The following TAB3 variants were observed in gnomAD, a reference collection of about 807,000 sequenced individuals.
TAB3 encodes the protein TGF-beta activated kinase 1 (MAP3K7) binding protein 3.
A neutral mutation model predicts 48.1 loss-of-function variants in TAB3; 18 were observed. That is an observed-to-expected ratio of 0.37 (90% confidence interval 0.26 to 0.55). The LOEUF (loss-of-function observed/expected upper bound fraction) is 0.55. Among genes scored for constraint, TAB3 ranks in the 20% least tolerant of loss-of-function variants. The pLI, the probability that TAB3 is intolerant of heterozygous loss-of-function variation, is 0.78. For synonymous variants in TAB3, 185 were observed against 190.2 expected, an observed-to-expected ratio of 0.97 and a Z score of 0.22; for missense variants, 414 against 549.8, an observed-to-expected ratio of 0.75 and a Z score of 2.47.
intron 1 of TAB3, among the ~76,000 whole-genome samples, chrX:30,888,510 G>A (rs953322324): frequency 1.1e-4 from 12 of 112,077 alleles, no homozygotes; most frequent in African/African-American, 2.6e-4. Flanking sequence ...GCTGGCACAC[G>A]GTAGTAAACT....
rs1176032615 is a variant in TAB3, at chrX:30,834,164, TAAAC to T, written c.1889-16_1889-13del. The T allele has an allele frequency of 1.3e-5, 15 of 1,192,265 alleles. 1 individual carries two copies. Among genetic ancestry groups the T allele is most frequent in the South Asian group, 7.2e-5 (4 of 55,745 alleles). Reference sequence around the variant, plus strand: ...GGGGTCTGAGGAGTCTGCATAAAAATAAACAACGCCAGAAAGAAGTGATCCAGTC... The same window carrying T: ...GGGGTCTGAGGAGTCTGCATAAAAATAACGCCAGAAAGAAGTGATCCAGTC... On this transcript the variant is annotated splice_polypyrimidine_tract_variant and intron_variant, in intron 9 of 10. Coordinates refer to ENST00000288422, the MANE Select transcript of TAB3 (RefSeq NM_152787.5).
Position 30,830,229 on chromosome X carries a change from C to G in TAB3, c.*1198G>C, listed in dbSNP as rs1178054124. 8.9e-6 allele frequency: 1 copy of G among 112,100 alleles called. No individual in the cohort carries two copies. The highest frequency in any genetic ancestry group is 9.5e-5 in the Admixed American group (1 of 10,483). 9.2% of individuals were successfully genotyped at this position (112,100 alleles called of 1,213,427 possible). On this transcript the variant is annotated 3_prime_UTR_variant, in exon 11 of 11. Coordinates refer to ENST00000288422, the MANE Select transcript of TAB3 (RefSeq NM_152787.5). ...ATTTTAAAAGTTGTTTCAAAGTCCT[C>G]TATATTCACCTTTCTCTTAATAATT...
At chrX:30,882,882 T>C (rs1192640366) in intron 1 of TAB3, among the ~76,000 whole-genome samples, 5 of 111,906 alleles carry the variant, frequency 4.5e-5, no homozygotes, top group East Asian at 2.8e-4. Context: ...GAAGAGTATA[T>C]AGGAATTCTG....
intron 1 of TAB3, among the ~76,000 whole-genome samples, chrX:30,873,543 AG>A (rs2147398628): frequency 9.3e-6 from 1 of 107,266 alleles, no homozygotes; most frequent in South Asian, 4.0e-4. Context: ...AAAAAAAAAA[AG>A]TTACATCAAG....
intron 2 of TAB3, among the ~76,000 whole-genome samples, chrX:30,868,817 G>C (rs1165062359): frequency 9.5e-6 from 1 of 105,768 alleles, no homozygotes; most frequent in Non-Finnish European, 1.9e-5. Flanking sequence ...TTGATCTCCT[G>C]AGTCAACTTC....
chrX:30,872,202 G>A (rs1651762698), intron 1 of TAB3, among the ~76,000 whole-genome samples: 1 of 111,898 alleles, frequency 8.9e-6, no homozygotes, highest in African/African-American at 3.3e-5. Context: ...AAACTGTGCT[G>A]AGGCCCTTTT....
In TAB3 at chrX:30,859,644, C is replaced by T; in HGVS notation, c.-56G>A. The T allele has an allele frequency of 1.3e-6, 1 of 798,545 alleles. No homozygotes were observed. The highest frequency in any genetic ancestry group is 1.8e-6 in the Non-Finnish European group (1 of 542,155). 65.8% of individuals were successfully genotyped at this position (798,545 alleles called of 1,213,427 possible). A position where few individuals can be genotyped will look rare whatever the true frequency, so the allele number is the denominator to read the frequency against. ...AGGAAATGGATGTTAACCGGCTTTC[C>T]AAAAGTAATGATCTTCTAGCACCAC... is the stretch of plus-strand genomic sequence containing the variant. On this transcript the variant is annotated 5_prime_UTR_variant, in exon 5 of 11. An upstream open reading frame in the 5' UTR gains an earlier in-frame stop. Transcript: ENST00000288422.
chrX:30,842,673 G>A (rs1938491912), intron 9 of TAB3, among the ~76,000 whole-genome samples: 1 of 108,936 alleles, frequency 9.2e-6, no homozygotes, highest in African/African-American at 3.3e-5. Flanking sequence ...AAAAAAATTA[G>A]CTGGGCATGG....
At chrX:30,839,101 C>T (rs1938332162) in intron 9 of TAB3, among the ~76,000 whole-genome samples, 1 of 111,190 alleles carries the variant, frequency 9.0e-6, no homozygotes, top group East Asian at 2.8e-4. Flanking sequence ...TTCAGAATTG[C>T]ATTATTCAGT....
intron 4 of TAB3, among the ~76,000 whole-genome samples, chrX:30,866,304 T>C (rs1939400713): frequency 9.0e-6 from 1 of 110,928 alleles, no homozygotes; most frequent in African/African-American, 3.3e-5. Context: ...ATAGACTATA[T>C]ACACGGAAAT....
At chrX:30,843,189 T>C in intron 8 of TAB3, 140 bp from the exon 9 acceptor site, 1 of 416,674 alleles carries the variant, frequency 2.4e-6, no homozygotes, top group East Asian at 4.1e-5. Flanking sequence ...TACATAATTC[T>C]GTCCTCCCAA....
At chrX:30,850,980 C>T (rs1309719623) in intron 7 of TAB3, among the ~76,000 whole-genome samples, 1 of 111,381 alleles carries the variant, frequency 9.0e-6, no homozygotes, top group Non-Finnish European at 1.9e-5. Context: ...TAAAGGTTTC[C>T]AAAGTACCCA....
At chrX:30,847,750 A>AG (rs1938677971) in intron 7 of TAB3, among the ~76,000 whole-genome samples, 1 of 111,692 alleles carries the variant, frequency 9.0e-6, no homozygotes, top group Admixed American at 9.6e-5. Context: ...ATGAGCAGAA[A>AG]GGATATCTTA....
At chrX:30,880,856 G>A (rs1376073847) in intron 1 of TAB3, among the ~76,000 whole-genome samples, 1 of 110,730 alleles carries the variant, frequency 9.0e-6, no homozygotes, top group East Asian at 2.8e-4. Flanking sequence ...AAATTTAACT[G>A]CTCATATTTC....
rs189587718 is a variant in TAB3 at position 30,831,918 on chromosome X, G to A, written c.1991-343C>T. On this transcript the variant is annotated intron_variant, in intron 10 of 10. Transcript: ENST00000288422. ...GTTTTATAGCATGTTAAATTCTGTC[G>A]CCTCTGTAAGTTTTCCCTGACTTCA... 4.7e-4 allele frequency among the ~76,000 whole-genome samples: 52 copies of A among 111,776 alleles called. 1 individual carries two copies. The highest frequency in any genetic ancestry group is 3.8e-3 in the Admixed American group (40 of 10,553).
intron 7 of TAB3, 33 bp downstream of exon 7, chrX:30,852,745 C>T (rs776741348): frequency 8.7e-7 from 1 of 1,151,366 alleles, no homozygotes; most frequent in Admixed American, 2.3e-5. Flanking sequence ...ATATCCCGAC[C>T]CTCCTATTAA....
At chrX:30,852,640 GT>G in intron 7 of TAB3, 137 bp downstream of exon 7, 3 of 627,817 alleles carry the variant, frequency 4.8e-6, no homozygotes, top group Non-Finnish European at 6.9e-6. Flanking sequence ...TCCTTCATCT[GT>G]TGTTTTTAAA....
In TAB3 at chrX:30,827,730, C is replaced by G. The variant is rs1033971074; in HGVS notation, c.*3697G>C. The G allele has an allele frequency of 8.9e-6, 1 of 112,115 alleles. No individual in the cohort carries two copies. Among genetic ancestry groups the G allele is most frequent in the Admixed American group, 9.5e-5 (1 of 10,485 alleles). The allele number at this position is 112,115 out of a possible 1,213,427, so 9.2% of individuals were successfully genotyped here. A position where few individuals can be genotyped will look rare whatever the true frequency, so the allele number is the denominator to read the frequency against. On this transcript the variant is annotated 3_prime_UTR_variant, in exon 11 of 11. Transcript: ENST00000288422. ...TCAGAATTGTTCAGTCTCAAAGTAA[C>G]TTTTCATGGCTTTAGAATTAAAATT...
At chrX:30,847,491 T>TATATATATGTATATATATAAATATAC (rs1938667714) in intron 7 of TAB3, among the ~76,000 whole-genome samples, 1 of 106,858 alleles carries the variant, frequency 9.4e-6, no homozygotes, top group South Asian at 3.9e-4. Flanking sequence ...TCTTTATTTT[T>TATATATATGTATATATATAAATATAC]ATATATATGT....
Sources: allele counts gnomAD v4.1 joint callset (sites outside exome capture counted in the v4.1 genomes callset), GRCh38; gene constraint gnomAD v4.1.1; transcripts MANE v1.5; gene names NCBI Gene and HGNC (gene_info 2026-07-23, HGNC 2026-07-21).